Variants in HTR2C observed in about 807,000 individuals in gnomAD.
The protein encoded by HTR2C is 5-hydroxytryptamine (serotonin) receptor 2C, G protein-coupled.
A neutral mutation model predicts 21.0 loss-of-function variants in HTR2C; 5 were observed. The observed-to-expected ratio is 0.24, with a 90% CI of 0.12 to 0.50. The LOEUF (loss-of-function observed/expected upper bound fraction) is 0.50. Among genes scored for constraint, HTR2C ranks in the 20% least tolerant of loss-of-function variants. The pLI is 0.98. For synonymous variants in HTR2C, 150 were observed against 145.3 expected (o/e 1.03, Z -0.23); for missense variants, 271 against 371.2 (o/e 0.73, Z 2.22).
chrX:114,857,976 C>T (rs1556471566), intron 5 of HTR2C, among the ~76,000 whole-genome samples: 1 of 110,981 alleles, frequency 9.0e-6, no homozygotes, highest in Admixed American at 9.6e-5. Context: ...TCTTGCCTAC[C>T]GAATTACAAT....
intron 5 of HTR2C, among the ~76,000 whole-genome samples, chrX:114,899,073 G>A (rs1270048737): frequency 8.9e-6 from 1 of 111,749 alleles, no homozygotes; most frequent in Non-Finnish European, 1.9e-5. Context: ...TTTGAGCAGT[G>A]GTTTGTAGTT....
intron 5 of HTR2C, among the ~76,000 whole-genome samples, chrX:114,867,344 G>T (rs1475481534): frequency 9.0e-6 from 1 of 111,155 alleles, no homozygotes; most frequent in Non-Finnish European, 1.9e-5. Flanking sequence ...CCCATTTTTT[G>T]ATTGGATTAT....
At chrX:114,793,803 A>G (rs2070260078) in intron 4 of HTR2C, among the ~76,000 whole-genome samples, 1 of 110,473 alleles carries the variant, frequency 9.1e-6, no homozygotes, top group Non-Finnish European at 1.9e-5. Context: ...ACTACTTTGT[A>G]TTATACACTC....
At chrX:114,736,864 A>C (rs1254293963) in intron 4 of HTR2C, among the ~76,000 whole-genome samples, 2 of 111,916 alleles carry the variant, frequency 1.8e-5, no homozygotes, top group Non-Finnish European at 3.8e-5. Context: ...TCATCTTGGA[A>C]CCATAAATTT....
chrX:114,608,354 T>C (rs1556397737), intron 1 of HTR2C, among the ~76,000 whole-genome samples: 1 of 111,260 alleles, frequency 9.0e-6, no homozygotes, highest in Non-Finnish European at 1.9e-5. Flanking sequence ...ATCATCACAA[T>C]TTAGAATATT....
chrX:114,605,462 A>G (rs1194439104), intron 1 of HTR2C, among the ~76,000 whole-genome samples: 1 of 111,184 alleles, frequency 9.0e-6, no homozygotes, highest in Admixed American at 9.6e-5. Flanking sequence ...GAGGGAAAGA[A>G]GGAAGATTTG....
At chrX:114,747,360 A>G (rs1285711752) in intron 4 of HTR2C, among the ~76,000 whole-genome samples, 3 of 112,314 alleles carry the variant, frequency 2.7e-5, no homozygotes, top group African/African-American at 9.7e-5. Flanking sequence ...CTCTTATTCA[A>G]CATCATACTG....
At chrX:114,884,324 T>C (rs1363391168) in intron 5 of HTR2C, among the ~76,000 whole-genome samples, 1 of 111,047 alleles carries the variant, frequency 9.0e-6, no homozygotes, top group Non-Finnish European at 1.9e-5. Context: ...ATATTAGTCC[T>C]ATTTTTAATT....
At chrX:114,777,755 C>G (rs1441864815) in intron 4 of HTR2C, among the ~76,000 whole-genome samples, 1 of 110,590 alleles carries the variant, frequency 9.0e-6, no homozygotes, top group Non-Finnish European at 1.9e-5. Context: ...ACAGGGTTTC[C>G]CTGTGTTGGC....
chrX:114,810,902 A>G (rs1352470372), intron 4 of HTR2C, among the ~76,000 whole-genome samples: 2 of 111,052 alleles, frequency 1.8e-5, no homozygotes, highest in Admixed American at 9.7e-5. Context: ...CCCTCACACC[A>G]AAGTGATTAA....
At chrX:114,743,020 G>A (rs1323669500) in intron 4 of HTR2C, among the ~76,000 whole-genome samples, 1 of 64,271 alleles carries the variant, frequency 1.6e-5, no homozygotes, top group Non-Finnish European at 2.9e-5. Context: ...GAGAATGATG[G>A]TTTCCAATTT....
In HTR2C at chrX:114,771,877, T is replaced by C. The variant is rs782378333; in HGVS notation, c.349+40270T>C. Among the ~76,000 whole-genome samples the C allele has an allele frequency of 5.3e-5, 6 of 112,183 alleles. No individual in the cohort carries two copies. The East Asian group carries it at 1.4e-3, about 26-fold the overall frequency. On this transcript the variant is annotated intron_variant, in intron 4 of 5. Coordinates refer to ENST00000276198, the MANE Select transcript of HTR2C (RefSeq NM_000868.4). ...ATAGCCCAATTACCTGGGAATAATG[T>C]GTTTCAAAGGAATTATTGTAAATAT...
In HTR2C at chrX:114,836,995, GT is replaced by G. The variant is rs2070792635; in HGVS notation, c.350-11001del. ...GGATGTTGTGATGGTAGACTTTCTT[GT>G]TTTTTTCCAACATTTAATTATTAAA... is the stretch of plus-strand genomic sequence containing the variant. On this transcript the variant is annotated intron_variant, in intron 4 of 5. Coordinates refer to ENST00000276198, the MANE Select transcript of HTR2C (RefSeq NM_000868.4). Among the ~76,000 whole-genome samples, 4 of 111,274 alleles carry G rather than the reference GT, an allele frequency of 3.6e-5. No individual in the cohort carries two copies. In the South Asian group the frequency reaches 1.1e-3, roughly 31 times the overall value.
intron 2 of HTR2C, among the ~76,000 whole-genome samples, chrX:114,628,549 G>A (rs1044589686): frequency 4.7e-5 from 5 of 107,432 alleles, no homozygotes; most frequent in African/African-American, 1.0e-4. Flanking sequence ...GTGAGCCACC[G>A]CGCCTGGCCA....
At chrX:114,716,973 T>C (rs1393841056) in intron 2 of HTR2C, among the ~76,000 whole-genome samples, 2 of 111,988 alleles carry the variant, frequency 1.8e-5, no homozygotes, top group Non-Finnish European at 3.8e-5. Context: ...TTCTGAACAC[T>C]GAAAATTGAT....
intron 4 of HTR2C, among the ~76,000 whole-genome samples, chrX:114,756,358 G>A (rs1376823145): frequency 9.0e-6 from 1 of 111,391 alleles, no homozygotes; most frequent in African/African-American, 3.3e-5. Flanking sequence ...TTTTATCCCA[G>A]AGAAATGAAG....
chrX:114,666,230 C>A (rs1931171983), intron 2 of HTR2C, among the ~76,000 whole-genome samples: 1 of 111,758 alleles, frequency 8.9e-6, no homozygotes, highest in South Asian at 3.7e-4. Context: ...ATTTTGAAGT[C>A]AACTATGTTC....
intron 5 of HTR2C, among the ~76,000 whole-genome samples, chrX:114,870,937 T>G (rs2071087079): frequency 8.9e-6 from 1 of 111,787 alleles, no homozygotes; most frequent in Non-Finnish European, 1.9e-5. Context: ...ATCTTTATTA[T>G]TTCATTTCTT....
intron 1 of HTR2C, among the ~76,000 whole-genome samples, chrX:114,588,921 A>G (rs1216377287): frequency 1.8e-5 from 2 of 111,794 alleles, no homozygotes; most frequent in African/African-American, 6.5e-5. Context: ...ATAACCATAC[A>G]AGCCTGATGA....
Sources: allele counts gnomAD v4.1 joint callset (sites outside exome capture counted in the v4.1 genomes callset), GRCh38; gene constraint gnomAD v4.1.1; transcripts MANE v1.5; gene names NCBI Gene and HGNC (gene_info 2026-07-23, HGNC 2026-07-21).